The following BMP2K variants were observed in gnomAD, a reference collection of about 807,000 sequenced individuals.
BMP2K encodes the protein BMP2 inducible kinase, also known as BMP-2-inducible protein kinase.
Under a neutral mutation model 116.0 loss-of-function variants are expected in BMP2K, and 74 were observed. The observed-to-expected ratio is 0.64, with a 90% confidence interval of 0.53 to 0.77. BMP2K has a LOEUF of 0.77. BMP2K is among the 30% of genes least tolerant of loss of function. BMP2K has a pLI of 0.00. For synonymous variants in BMP2K, 486 were observed against 502.5 expected, an observed-to-expected ratio of 0.97 and a Z score of 0.44; for missense variants, 1,365 against 1,403.6, an observed-to-expected ratio of 0.97 and a Z score of 0.44.
rs765659226 is a variant in BMP2K, at chr4:78,911,939, T to C, written c.3392T>C (p.Leu1131Pro). Residue 1131 changes from leucine to proline, a missense_variant, in exon 16 of 16, where the codon CTT becomes CCT. By Grantham distance (98) the Leu-to-Pro change is moderately conservative. Around this residue, in one of 3 missense-constraint regions of BMP2K, gnomAD observed 596 missense variants for 623.2 expected, o/e 0.96. Transcript: ENST00000502613. ...DDFGAVPFTE[L>P]VVQSITPHQS... The stretch of plus-strand genomic sequence containing the variant: ...TTTGGTGCCGTGCCCTTTACAGAAC[T>C]TGTGGTGCAAAGCATCACTCCACAT... 3.7e-6 allele frequency: 6 copies of C among 1,614,022 alleles called. No individual in the cohort carries two copies. The highest frequency in any genetic ancestry group is 3.3e-5 in the Admixed American group (2 of 60,022).
chr4:78,861,394 T>C lies in BMP2K; in HGVS notation c.993T>C (p.Ser331=), dbSNP rs1374262258. The change falls in exon 9 of 16, where the codon TCT becomes TCC. Residue 331 remains serine, a synonymous_variant. Transcript: ENST00000502613. ...KDCPVSNINN[S]SIPSALPEPM... ...TTTATTTTTTTTCTTCCAAGAATTC[T>C]TCTATTCCTTCAGCTCTTCCTGAAC... The C allele has an allele frequency of 1.1e-5, 17 of 1,597,440 alleles. No individual in the cohort carries two copies. In the Admixed American group the frequency reaches 3.0e-4, roughly 28 times the overall value.
chr4:78,847,474 C>G (rs939009564), intron 6 of BMP2K, among the ~76,000 whole-genome samples: 8 of 151,386 alleles, frequency 5.3e-5, no homozygotes, highest in African/African-American at 1.9e-4. Context: ...TATCAAAAAG[C>G]AAATAAAAAA....
At chr4:78,885,425 A>C (rs1170951967) in intron 14 of BMP2K, among the ~76,000 whole-genome samples, 1 of 152,146 alleles carries the variant, frequency 6.6e-6, no homozygotes, top group Non-Finnish European at 1.5e-5. Context: ...ATCCTCCCCA[A>C]ACTCATCCCA....
chr4:78,834,082 A>G (rs372201002), intron 3 of BMP2K, among the ~76,000 whole-genome samples: 21 of 151,896 alleles, frequency 1.4e-4, no homozygotes, highest in African/African-American at 4.6e-4. Context: ...AATTTGGAGG[A>G]TGCATTTTGA....
chr4:78,797,147 CTAA>C lies in BMP2K; in HGVS notation c.178+20430_178+20432del, dbSNP rs543581113. Among the ~76,000 whole-genome samples the C allele has an allele frequency of 2.6e-3, 394 of 152,250 alleles. 1 individual carries two copies. The highest frequency in any genetic ancestry group is 4.4e-3 in the Non-Finnish European group (302 of 68,014). ...TCCTTAATACAGTGCTTCTTAAACT[CTAA>C]TAAGTATATGAATCACCTGGGATTT... On this transcript the variant is annotated intron_variant, in intron 1 of 15. Transcript: ENST00000502613.
intron 6 of BMP2K, among the ~76,000 whole-genome samples, chr4:78,849,313 T>C (rs1019264787): frequency 7.3e-5 from 11 of 151,526 alleles, no homozygotes; most frequent in East Asian, 3.9e-4. Context: ...ACAATTCTCA[T>C]TGAGATTGAT....
intron 6 of BMP2K, among the ~76,000 whole-genome samples, chr4:78,847,566 G>A (rs899328342): frequency 6.6e-6 from 1 of 151,440 alleles, no homozygotes; most frequent in East Asian, 1.9e-4. Flanking sequence ...TTTTTGAGTG[G>A]AATTTTGGTT....
chr4:78,818,849 T>G (rs1305185135), intron 1 of BMP2K, among the ~76,000 whole-genome samples: 1 of 146,762 alleles, frequency 6.8e-6, no homozygotes, highest in East Asian at 2.0e-4. Flanking sequence ...CAGGCTGGAG[T>G]GCAGTGGTAT....
At chr4:78,817,215 A>G (rs1436958991) in intron 1 of BMP2K, among the ~76,000 whole-genome samples, 1 of 152,222 alleles carries the variant, frequency 6.6e-6, no homozygotes, top group Admixed American at 6.5e-5. Context: ...TCTGACACCA[A>G]CTGGGTATCC....
intron 1 of BMP2K, among the ~76,000 whole-genome samples, chr4:78,821,837 A>T (rs1029703615): frequency 2.0e-5 from 3 of 152,200 alleles, no homozygotes; most frequent in Non-Finnish European, 4.4e-5. Context: ...ATCACTTTTC[A>T]TTCTTTTGCA....
chr4:78,845,477 G>GA (rs1437244698), intron 5 of BMP2K, among the ~76,000 whole-genome samples: 2 of 151,586 alleles, frequency 1.3e-5, no homozygotes, highest in Admixed American at 6.6e-5. Context: ...AAACTGTGTA[G>GA]AAAATGAAAG....
Position 78,871,891 on chromosome 4 carries a change from A to AT in BMP2K, c.1556dup (p.Leu519PhefsTer45). On this transcript the variant is annotated frameshift_variant, in exon 12 of 16. Coordinates refer to ENST00000502613, the MANE Select transcript of BMP2K (RefSeq NM_198892.2). LOFTEE classifies it high-confidence loss of function. ...AGCAGCAACAGATGCTTCAACAACA[A>AT]TTTTTAATGCATTCGGTATATCAAC... is the stretch of plus-strand genomic sequence containing the variant. 6.2e-7 allele frequency: 1 copy of AT among 1,613,148 alleles called. No individual in the cohort carries two copies. The highest frequency in any genetic ancestry group is 1.1e-5 in the South Asian group (1 of 90,940).
At chr4:78,786,404 A>AGTGTGTGT (rs1560498667) in intron 1 of BMP2K, among the ~76,000 whole-genome samples, 3 of 98,586 alleles carry the variant, frequency 3.0e-5, no homozygotes, top group African/African-American at 1.6e-4. Context: ...TAAGCCACCC[A>AGTGTGTGT]ATGTGTGTGT....
intron 1 of BMP2K, among the ~76,000 whole-genome samples, chr4:78,795,304 A>G (rs1560502820): frequency 6.6e-6 from 1 of 152,204 alleles, no homozygotes; most frequent in Non-Finnish European, 1.5e-5. Flanking sequence ...GAACATGAGA[A>G]GAGCTCTCTA....
chr4:78,807,271 C>T (rs2109965677), intron 1 of BMP2K, among the ~76,000 whole-genome samples: 1 of 152,208 alleles, frequency 6.6e-6, no homozygotes, highest in Non-Finnish European at 1.5e-5. Flanking sequence ...CTGAACCAAC[C>T]TTGCATTCCT....
intron 1 of BMP2K, among the ~76,000 whole-genome samples, chr4:78,781,424 A>ATT (rs139447702): frequency 1.9e-4 from 27 of 140,310 alleles, no homozygotes; most frequent in Admixed American, 5.7e-4. Flanking sequence ...GAAGGAACAG[A>ATT]TTTTTTTTTT....
chr4:78,864,407 ATCGGTG>A lies in BMP2K; in HGVS notation c.1068-1148_1068-1143del, dbSNP rs1284861281. 2.0e-5 allele frequency among the ~76,000 whole-genome samples: 3 copies of A among 151,662 alleles called. No individual in the cohort carries two copies. In the East Asian group the frequency reaches 5.8e-4, roughly 29 times the overall value. On this transcript the variant is annotated intron_variant, in intron 9 of 15. Transcript: ENST00000502613. ...CATATATATATACACCGATATATAT[ATCGGTG>A]TATATATATATGTAATATCTGTATA...
chr4:78,884,149 T>C (rs1732975503), intron 14 of BMP2K, among the ~76,000 whole-genome samples: 1 of 151,948 alleles, frequency 6.6e-6, no homozygotes, highest in Non-Finnish European at 1.5e-5. Context: ...CTGGGCAACA[T>C]AGAGCTTATC....
At chr4:78,819,820 A>G (rs528137361) in intron 1 of BMP2K, among the ~76,000 whole-genome samples, 1 of 152,326 alleles carries the variant, frequency 6.6e-6, no homozygotes, top group East Asian at 1.9e-4. Context: ...GGCATTATGC[A>G]TACAAGTGCT....
Sources: allele counts gnomAD v4.1 joint callset (sites outside exome capture counted in the v4.1 genomes callset), GRCh38; gene constraint gnomAD v4.1.1; regional missense constraint gnomAD v4.1.1; transcripts MANE v1.5; gene names NCBI Gene and HGNC (gene_info 2026-07-23, HGNC 2026-07-21).